CLEC16A: variants seen among roughly 807,000 people sequenced by gnomAD.
The protein encoded by CLEC16A is protein CLEC16A.
Under a neutral mutation model 109.5 loss-of-function variants are expected in CLEC16A, and 51 were observed. The ratio of observed to expected loss-of-function variants is 0.47; its 90% confidence interval spans 0.37 to 0.59. The LOEUF is 0.59. Among genes scored for constraint, CLEC16A ranks in the 20% least tolerant of loss-of-function variants. CLEC16A has a pLI of 0.00. For missense variants in CLEC16A, 1,339 were observed against 1,394.0 expected, an observed-to-expected ratio of 0.96 and a Z score of 0.63; for synonymous variants, 673 against 564.2, an observed-to-expected ratio of 1.19 and a Z score of -2.73.
Position 10,962,437 on chromosome 16 carries a change from T to A in CLEC16A, c.210-18T>A. 6.2e-7 allele frequency: 1 copy of A among 1,613,778 alleles called. No individual in the cohort carries two copies. The highest frequency in any genetic ancestry group is 8.5e-7 in the Non-Finnish European group (1 of 1,179,748). On this transcript the variant is annotated intron_variant, in intron 2 of 23. Transcript: ENST00000409790. ...CATGTGGAAGCAAGCCACTGATGCT[T>A]TTCCATTCTCTCCCCAGCTTCTTCC...
At chr16:11,069,321 G>A (rs1289894022) in intron 19 of CLEC16A, among the ~76,000 whole-genome samples, 3 of 152,106 alleles carry the variant, frequency 2.0e-5, no homozygotes, top group Non-Finnish European at 2.9e-5. Context: ...TAGAGACAGG[G>A]TTTCACTATG....
chr16:11,165,307 A>G (rs560493292), intron 22 of CLEC16A, among the ~76,000 whole-genome samples: 11 of 151,866 alleles, frequency 7.2e-5, no homozygotes, highest in African/African-American at 2.7e-4. Context: ...CCTGGGCAAT[A>G]CAGTGGGACC....
At chr16:11,116,105 C>T (rs911081477) in intron 19 of CLEC16A, among the ~76,000 whole-genome samples, 1 of 152,020 alleles carries the variant, frequency 6.6e-6, no homozygotes, top group African/African-American at 2.4e-5. Context: ...GAAAGCACAA[C>T]TGGGCCAGAT....
rs1221351553 is a variant in CLEC16A at position 10,954,797 on chromosome 16, G to A, written c.81-2985G>A. Among the ~76,000 whole-genome samples the A allele has an allele frequency of 6.6e-6, 1 of 151,994 alleles. No homozygotes were observed. The highest frequency in any genetic ancestry group is 1.5e-5 in the Non-Finnish European group (1 of 68,004). On this transcript the variant is annotated intron_variant, in intron 1 of 23. Coordinates refer to ENST00000409790, the MANE Select transcript of CLEC16A (RefSeq NM_015226.3). This position sits in a 1 kb window ranked among gnomAD's most constrained non-coding sequence, Gnocchi z 4.2. ...TGGTTTCGCTGAACCTTCCCATCAC[G>A]ACTCCTGCCCTGAAGCCCTCTTTCC... is the stretch of plus-strand genomic sequence containing the variant.
At chr16:11,036,675 A>T (rs1384307682) in intron 13 of CLEC16A, among the ~76,000 whole-genome samples, 1 of 151,062 alleles carries the variant, frequency 6.6e-6, no homozygotes, top group Non-Finnish European at 1.5e-5. Flanking sequence ...TGAGCCTCTC[A>T]AGTAGCTGGT....
At chr16:10,992,324 C>T (rs1055243019) in intron 10 of CLEC16A, among the ~76,000 whole-genome samples, 2 of 152,004 alleles carry the variant, frequency 1.3e-5, no homozygotes, top group Non-Finnish European at 2.9e-5. Flanking sequence ...CCACTGTTCT[C>T]CTCTCTACTT....
At chr16:11,057,977 A>C (rs976002040) in intron 18 of CLEC16A, among the ~76,000 whole-genome samples, 12 of 152,324 alleles carry the variant, frequency 7.9e-5, no homozygotes, top group African/African-American at 2.6e-4. Context: ...ATGGGGAATC[A>C]AGAGAGTGCT....
chr16:11,131,257 C>T (rs934898552), intron 22 of CLEC16A, among the ~76,000 whole-genome samples: 3 of 152,166 alleles, frequency 2.0e-5, no homozygotes, highest in Admixed American at 1.3e-4. Flanking sequence ...TGGACCTGGC[C>T]CATGGCAACA....
chr16:11,003,990 GTGTT>G (rs1388502200), intron 11 of CLEC16A, among the ~76,000 whole-genome samples: 1 of 146,026 alleles, frequency 6.8e-6, no homozygotes, highest in Non-Finnish European at 1.5e-5. Context: ...AAAAAAAAAA[GTGTT>G]TAGTATTTTT....
intron 19 of CLEC16A, among the ~76,000 whole-genome samples, chr16:11,110,018 G>A (rs529624414): frequency 6.6e-6 from 1 of 152,324 alleles, no homozygotes; most frequent in South Asian, 2.1e-4. Context: ...GTATTTTATT[G>A]TGAAGGGATT....
intron 13 of CLEC16A, among the ~76,000 whole-genome samples, chr16:11,036,245 T>C (rs1355132922): frequency 6.6e-6 from 1 of 152,124 alleles, no homozygotes; most frequent in African/African-American, 2.4e-5. Context: ...TCCAGGATCC[T>C]GGCACGAAGC....
At chr16:11,057,348 T>C (rs569404661) in intron 18 of CLEC16A, among the ~76,000 whole-genome samples, 1 of 152,356 alleles carries the variant, frequency 6.6e-6, no homozygotes, top group East Asian at 1.9e-4. Context: ...GCTCGTGGGC[T>C]CAGCACATCA....
chr16:11,096,495 T>C (rs1316732586), intron 19 of CLEC16A, among the ~76,000 whole-genome samples: 2 of 152,124 alleles, frequency 1.3e-5, no homozygotes, highest in African/African-American at 2.4e-5. Context: ...CCATTGAAAG[T>C]TTTCTAAATT....
chr16:10,951,564 G>A (rs2041734916), intron 1 of CLEC16A, among the ~76,000 whole-genome samples: 1 of 152,122 alleles, frequency 6.6e-6, no homozygotes, highest in South Asian at 2.1e-4. Context: ...CTGCACCAGG[G>A]CCCTGGGCAG....
At chr16:11,083,904 G>A (rs142603707) in intron 19 of CLEC16A, among the ~76,000 whole-genome samples, 67 of 152,258 alleles carry the variant, frequency 4.4e-4, no homozygotes, top group African/African-American at 1.4e-3. Flanking sequence ...TGTTCTACCC[G>A]GAATGGAAAC....
At chr16:10,949,736 A>G (rs1156781103) in intron 1 of CLEC16A, among the ~76,000 whole-genome samples, 1 of 152,176 alleles carries the variant, frequency 6.6e-6, no homozygotes, top group Non-Finnish European at 1.5e-5. Context: ...AGCTGGCAGA[A>G]TGGATTGGAT....
At chr16:11,124,736 G>A (rs1182693595) in intron 21 of CLEC16A, among the ~76,000 whole-genome samples, 1 of 152,184 alleles carries the variant, frequency 6.6e-6, no homozygotes. Context: ...GGTGGCTGCT[G>A]AGAGGATTTT....
chr16:11,167,833 C>G (rs974175265), intron 23 of CLEC16A, among the ~76,000 whole-genome samples: 17 of 152,214 alleles, frequency 1.1e-4, no homozygotes, highest in African/African-American at 4.1e-4. Context: ...GATGCCACCC[C>G]TGTTGCCAGG....
chr16:11,156,750 C>A, intron 22 of CLEC16A: 2 of 1,002,674 alleles, frequency 2.0e-6, no homozygotes, highest in Non-Finnish European at 2.8e-6. Flanking sequence ...TCAAGCCCAG[C>A]CCTGGCGACC....
Sources: gnomAD v4.1 joint callset for allele counts (sites outside exome capture counted in the v4.1 genomes callset) on GRCh38, gnomAD v4.1.1 for gene constraint, Gnocchi (gnomAD v3.1) non-coding constraint, MANE v1.5 for transcripts, NCBI Gene and HGNC (gene_info 2026-07-23, HGNC 2026-07-21) for gene names.